NRG1: variants seen among roughly 807,000 people sequenced by gnomAD.
The protein encoded by NRG1 is pro-neuregulin-1, membrane-bound isoform.
Under a neutral mutation model 63.8 loss-of-function variants are expected in NRG1, and 18 were observed. That is an observed-to-expected ratio of 0.28 (90% CI 0.19 to 0.42). NRG1 has a LOEUF of 0.42. NRG1 is among the 10% of genes least tolerant of loss of function. The pLI is 1.00. For synonymous variants in NRG1, 302 were observed against 301.3 expected, an observed-to-expected ratio of 1.00 and a Z score of -0.02; for missense variants, 762 against 814.7, an observed-to-expected ratio of 0.94 and a Z score of 0.79.
At chr8:32,534,037 AG>A (rs1489298739) in intron 1 of NRG1, among the ~76,000 whole-genome samples, 4 of 152,084 alleles carry the variant, frequency 2.6e-5, no homozygotes, top group African/African-American at 9.7e-5. Context: ...AGTGTCAGTG[AG>A]CAAATAGATG....
At chr8:31,781,104 T>A (rs1249498911) in intron 1 of NRG1, among the ~76,000 whole-genome samples, 3 of 152,172 alleles carry the variant, frequency 2.0e-5, no homozygotes, top group Non-Finnish European at 4.4e-5. Flanking sequence ...AAATTCCTTT[T>A]TGGATGGATT....
Position 32,625,788 on chromosome 8 carries a change from C to CTTTTTTTTT in NRG1, c.502+8909_502+8910insTTTTTTTTT, listed in dbSNP as rs1563796353. ...ACTTTCCCTCTCTTTTTTTTTTTTT[C>CTTTTTTTTT]TTTTTTCTTTTTTTTTTTTTTCTTG... On this transcript the variant is annotated intron_variant, in intron 5 of 11. Transcript: ENST00000356819. Among the ~76,000 whole-genome samples, 116 of 94,230 alleles carry CTTTTTTTTT rather than the reference C, an allele frequency of 1.2e-3. 1 individual carries two copies. The highest frequency in any genetic ancestry group is 4.4e-3 in the African/African-American group (107 of 24,544). 61.8% of individuals were successfully genotyped at this position (94,230 alleles called of 152,430 possible). A position where few individuals can be genotyped will look rare whatever the true frequency, so the allele number is the denominator to read the frequency against.
chr8:32,352,444 G>T (rs1160671300), intron 1 of NRG1, among the ~76,000 whole-genome samples: 1 of 151,130 alleles, frequency 6.6e-6, no homozygotes, highest in African/African-American at 2.4e-5. Context: ...AATCTGGTTG[G>T]CAATGGACTC....
At chr8:32,696,176 C>T (rs575514499) in intron 5 of NRG1, among the ~76,000 whole-genome samples, 2 of 152,172 alleles carry the variant, frequency 1.3e-5, no homozygotes, top group Non-Finnish European at 2.9e-5. Context: ...TCAAAACCAA[C>T]ATTCTTAGGA....
At chr8:31,899,530 A>G (rs757905647) in intron 1 of NRG1, among the ~76,000 whole-genome samples, 1 of 152,174 alleles carries the variant, frequency 6.6e-6, no homozygotes, top group Non-Finnish European at 1.5e-5. Flanking sequence ...AATAATATTC[A>G]AGATAGTGTT....
chr8:32,101,907 A>G (rs191765197), intron 1 of NRG1, among the ~76,000 whole-genome samples: 66 of 152,288 alleles, frequency 4.3e-4, no homozygotes, highest in Non-Finnish European at 8.5e-4. Context: ...CTTGTGATGG[A>G]AAGCAGGTGA....
intron 9 of NRG1, among the ~76,000 whole-genome samples, chr8:32,758,624 AAAG>A (rs200857001): frequency 1.3e-5 from 2 of 149,570 alleles, no homozygotes; most frequent in African/African-American, 5.1e-5. Flanking sequence ...GAAAAGAAAG[AAAG>A]AAGAGAGAAA....
chr8:32,284,485 G>GCCTTCCTT (rs1420268466), intron 1 of NRG1, among the ~76,000 whole-genome samples: 9 of 116,046 alleles, frequency 7.8e-5, no homozygotes, highest in African/African-American at 1.7e-4. Flanking sequence ...CTCCCTGCCT[G>GCCTTCCTT]CCTGCCTTCC....
intron 1 of NRG1, among the ~76,000 whole-genome samples, chr8:32,359,365 AT>A (rs1293261191): frequency 6.6e-6 from 1 of 152,062 alleles, no homozygotes. Flanking sequence ...GTATATATGT[AT>A]TTTTTTATTT....
chr8:32,156,105 G>A (rs1838031458), intron 1 of NRG1, among the ~76,000 whole-genome samples: 1 of 152,162 alleles, frequency 6.6e-6, no homozygotes, highest in African/African-American at 2.4e-5. Context: ...GCAGCTCCTG[G>A]CCCTTGACTG....
chr8:32,552,190 T>C (rs551615810), intron 1 of NRG1, among the ~76,000 whole-genome samples: 15 of 150,402 alleles, frequency 1.0e-4, no homozygotes, highest in African/African-American at 3.7e-4. Context: ...ATTACGGGCA[T>C]GAGCCACGGC....
intron 1 of NRG1, among the ~76,000 whole-genome samples, chr8:31,830,468 A>G (rs181334857): frequency 6.6e-6 from 1 of 152,070 alleles, no homozygotes; most frequent in African/African-American, 2.4e-5. Flanking sequence ...AGCTGGGACA[A>G]CTTAAATTGC....
chr8:31,641,333 G>GT (rs1382961710), intron 1 of NRG1, among the ~76,000 whole-genome samples: 2,703 of 142,326 alleles, frequency 0.019, 71 homozygotes, highest in African/African-American at 0.062. Context: ...TATTGGTGGG[G>GT]GTTTTTTTTT....
At chr8:32,066,816 A>G (rs1824903150) in intron 1 of NRG1, among the ~76,000 whole-genome samples, 1 of 152,282 alleles carries the variant, frequency 6.6e-6, no homozygotes, top group East Asian at 1.9e-4. Context: ...CTTCCTATCC[A>G]TGAGCATGGA....
intron 1 of NRG1, among the ~76,000 whole-genome samples, chr8:31,909,739 C>A (rs1041711105): frequency 4.6e-5 from 7 of 152,068 alleles, no homozygotes; most frequent in Non-Finnish European, 7.4e-5. Flanking sequence ...CTTTTAGAAA[C>A]CTTGGTGAAA....
chr8:32,107,912 A>G (rs1366694745), intron 1 of NRG1, among the ~76,000 whole-genome samples: 3 of 152,210 alleles, frequency 2.0e-5, no homozygotes, highest in African/African-American at 2.4e-5. Context: ...ATTAGCTATG[A>G]AAGGAATGAT....
At chr8:32,395,513 A>G (rs576482682) in intron 1 of NRG1, among the ~76,000 whole-genome samples, 1 of 152,182 alleles carries the variant, frequency 6.6e-6, no homozygotes, top group East Asian at 1.9e-4. Flanking sequence ...TCTTTTCATG[A>G]GCTTATTTGC....
chr8:31,765,479 C>A (rs1325345499), intron 1 of NRG1, among the ~76,000 whole-genome samples: 2 of 152,160 alleles, frequency 1.3e-5, no homozygotes, highest in African/African-American at 4.8e-5. Flanking sequence ...TTTGTAGATA[C>A]TCTTCATCAA....
At chr8:32,433,006 C>T (rs1413933639) in intron 1 of NRG1, among the ~76,000 whole-genome samples, 1 of 152,154 alleles carries the variant, frequency 6.6e-6, no homozygotes, top group Admixed American at 6.6e-5. Flanking sequence ...GTGTACAACT[C>T]TGCCTGTTTA....
Sources: allele counts gnomAD v4.1 joint callset (sites outside exome capture counted in the v4.1 genomes callset), GRCh38; gene constraint gnomAD v4.1.1; transcripts MANE v1.5; gene names NCBI Gene and HGNC (gene_info 2026-07-23, HGNC 2026-07-21).